Variants in BTNL9 observed in about 807,000 individuals in gnomAD.
BTNL9 encodes butyrophilin-like protein 9.
BTNL9 carries 45 observed loss-of-function variants against 45.8 expected under a neutral mutation model. The ratio of observed to expected loss-of-function variants is 0.98; its 90% CI spans 0.77 to 1.26. The LOEUF is 1.26. Among genes scored for constraint, BTNL9 ranks in the 50% most tolerant of loss-of-function variants. The probability of loss-of-function intolerance (pLI) is 0.00; values close to 1 mark genes in which losing one functional copy is unlikely to be tolerated. For missense variants in BTNL9, 784 were observed against 729.7 expected (o/e 1.07, Z -0.86); for synonymous variants, 346 against 330.8 (o/e 1.05, Z -0.50).
At position 181,050,180 on chromosome 5, in the gene BTNL9, A is replaced by T; in HGVS notation, c.547A>T (p.Lys183Ter). 2 of 1,614,022 alleles carry T rather than the reference A, an allele frequency of 1.2e-6. No homozygotes were observed. Among genetic ancestry groups the T allele is most frequent in the Non-Finnish European group, 1.7e-6 (2 of 1,180,022 alleles). Residue 183 changes from lysine to a stop codon, truncating the protein, a stop_gained, in exon 4 of 11, where the codon AAG becomes TAG. Coordinates refer to ENST00000327705, the MANE Select transcript of BTNL9 (RefSeq NM_152547.5). LOFTEE classifies it high-confidence loss of function. This position sits in a 1 kb window ranked among gnomAD's most constrained non-coding sequence, Gnocchi z 4.9. Reference protein sequence around the residue: ...LRSSGWYPKPKVQWRDHQGQC... With the variant: ...LRSSGWYPKP Reference sequence around the variant, plus strand: ...ATCCAGTGGCTGGTACCCCAAGCCTAAGGTTCAGTGGAGAGACCACCAGGG... The same window carrying T: ...ATCCAGTGGCTGGTACCCCAAGCCTTAGGTTCAGTGGAGAGACCACCAGGG...
chr5:181,045,178 C>G (rs1241445311), intron 1 of BTNL9, among the ~76,000 whole-genome samples: 1 of 152,202 alleles, frequency 6.6e-6, no homozygotes, highest in Non-Finnish European at 1.5e-5. Flanking sequence ...ATTCCTGGCT[C>G]TAAACAATAA....
Position 181,053,114 on chromosome 5 carries a change from T to C in BTNL9, c.737-86T>C. 8.3e-7 allele frequency: 1 copy of C among 1,209,420 alleles called. No homozygotes were observed. Among genetic ancestry groups the C allele is most frequent in the Non-Finnish European group, 1.1e-6 (1 of 876,144 alleles). 74.9% of individuals were successfully genotyped at this position (1,209,420 alleles called of 1,614,324 possible). A position where few individuals can be genotyped will look rare whatever the true frequency, so the allele number is the denominator to read the frequency against. ...GCCCGGAGAAGGTCCCGCGGGAGGT[T>C]TCCCGGCACGCGGCGGGCAGGCCGG... On this transcript the variant is annotated intron_variant, in intron 4 of 10. Coordinates refer to ENST00000327705, the MANE Select transcript of BTNL9 (RefSeq NM_152547.5). This position sits in a 1 kb window ranked among gnomAD's most constrained non-coding sequence, Gnocchi z 6.5.
At chr5:181,054,507 C>A (rs1006734500) in intron 7 of BTNL9, 8 of 985,360 alleles carry the variant, frequency 8.1e-6, no homozygotes, top group African/African-American at 1.7e-5. Flanking sequence ...AGTTAAAATT[C>A]ATCATAAAAC....
rs74668793 is a variant in BTNL9, at chr5:181,045,405, G to A, written c.-23-62G>A. On this transcript the variant is annotated intron_variant, in intron 1 of 10. Coordinates refer to ENST00000327705, the MANE Select transcript of BTNL9 (RefSeq NM_152547.5). ...GCCACAACAGACTTCAGGTCTGATGGAGTGAGTTCCAGCTCCCCCTACCTT... is the reference window on the plus strand; with the variant it reads ...GCCACAACAGACTTCAGGTCTGATGAAGTGAGTTCCAGCTCCCCCTACCTT... The A allele has an allele frequency of 3.7e-3, 3,118 of 853,668 alleles. 70 individuals carry two copies. In the African/African-American group the frequency reaches 0.046, roughly 13 times the overall value. 52.9% of individuals were successfully genotyped at this position (853,668 alleles called of 1,614,324 possible).
At chr5:181,051,103 AC>A (rs1324699224) in intron 4 of BTNL9, among the ~76,000 whole-genome samples, 106 of 141,716 alleles carry the variant, frequency 7.5e-4, no homozygotes, top group African/African-American at 2.7e-3. Context: ...AAAAAAAAAA[AC>A]AAGAAGAAGG....
In BTNL9 at chr5:181,053,815, A is replaced by G; in HGVS notation, c.886+314A>G. The G allele has an allele frequency of 6.6e-7, 1 of 1,518,754 alleles. No homozygotes were observed. The highest frequency in any genetic ancestry group is 1.4e-5 in the African/African-American group (1 of 72,780). 94.1% of individuals were successfully genotyped at this position (1,518,754 alleles called of 1,614,324 possible). A position where few individuals can be genotyped will look rare whatever the true frequency, so the allele number is the denominator to read the frequency against. ...AGCGGTGACCAGGGTCTCTGCTGCC[A>G]GCGCCACCTCGTCCAGGTTTTCATA... On this transcript the variant is annotated intron_variant, in intron 6 of 10. Coordinates refer to ENST00000327705, the MANE Select transcript of BTNL9 (RefSeq NM_152547.5). The surrounding 1 kb of genome is among the most constrained non-coding windows in gnomAD (Gnocchi z 6.5).
Position 181,053,518 on chromosome 5 carries a change from C to T in BTNL9, c.886+17C>T. 1.3e-6 allele frequency: 2 copies of T among 1,571,330 alleles called. No homozygotes were observed. Among genetic ancestry groups the T allele is most frequent in the Non-Finnish European group, 1.7e-6 (2 of 1,158,122 alleles). ...AGAGACAAGGTGAGCGGGGACAGGG[C>T]GTTCTGCACGCACCTGCCCAAGTGC... On this transcript the variant is annotated intron_variant, in intron 6 of 10. Transcript: ENST00000327705. This position sits in a 1 kb window ranked among gnomAD's most constrained non-coding sequence, Gnocchi z 6.5.
At chr5:181,044,701 T>C (rs1760993967) in intron 1 of BTNL9, among the ~76,000 whole-genome samples, 1 of 152,100 alleles carries the variant, frequency 6.6e-6, no homozygotes, top group Admixed American at 6.5e-5. Flanking sequence ...CCGTGAGTCA[T>C]TAGTGGGTCC....
At chr5:181,047,577 G>GAAT in intron 2 of BTNL9, 1 of 894,882 alleles carries the variant, frequency 1.1e-6, no homozygotes, top group Non-Finnish European at 1.4e-6. Flanking sequence ...ATATTCTACA[G>GAAT]ATTATTTTGA....
At chr5:181,054,569 A>G (rs964785660) in intron 7 of BTNL9, 20 of 985,310 alleles carry the variant, frequency 2.0e-5, no homozygotes, top group Middle Eastern at 5.2e-4. Flanking sequence ...TTTTAATGCA[A>G]ATGGCACTAG....
At chr5:181,045,040 G>A (rs141240114) in intron 1 of BTNL9, among the ~76,000 whole-genome samples, 349 of 152,346 alleles carry the variant, frequency 2.3e-3, no homozygotes, top group African/African-American at 8.1e-3. Flanking sequence ...GACGAAGGTT[G>A]GGTTGGTGGT....
chr5:181,046,710 G>GGAGAGA (rs148346380), intron 2 of BTNL9, among the ~76,000 whole-genome samples: 5 of 145,942 alleles, frequency 3.4e-5, no homozygotes, highest in Admixed American at 6.7e-5. Context: ...AGAGAGAGAG[G>GGAGAGA]GAGAGAGAGA....
intron 1 of BTNL9, among the ~76,000 whole-genome samples, chr5:181,044,173 C>T (rs915590001): frequency 1.3e-5 from 2 of 152,194 alleles, no homozygotes; most frequent in African/African-American, 2.4e-5. Flanking sequence ...GGAGCCTCTA[C>T]CACCTCATTA....
In BTNL9 at chr5:181,059,535, C is replaced by A; in HGVS notation, c.1281C>A (p.Gly427=). Residue 427 remains glycine (G), a synonymous_variant, in exon 11 of 11, where the codon GGC becomes GGA. Transcript: ENST00000327705. ...AGYWVLGLWN[G]CEYFVLAPHR... Reference sequence around the variant, plus strand: ...ACTGGGTGCTGGGGCTGTGGAACGGCTGCGAGTACTTCGTCCTGGCCCCGC... The same window carrying A: ...ACTGGGTGCTGGGGCTGTGGAACGGATGCGAGTACTTCGTCCTGGCCCCGC... The A allele has an allele frequency of 6.2e-7, 1 of 1,608,018 alleles. No homozygotes were observed. The highest frequency in any genetic ancestry group is 8.5e-7 in the Non-Finnish European group (1 of 1,178,910).
Position 181,041,519 on chromosome 5 carries a change from G to A in BTNL9, c.-24+1087G>A, listed in dbSNP as rs144711087. ...CTCCATTCTTGCTTTGCTGAAAGTTGGAGAAAAGGACATGTGTAGAGAAAA... is the reference window on the plus strand; with the variant it reads ...CTCCATTCTTGCTTTGCTGAAAGTTAGAGAAAAGGACATGTGTAGAGAAAA... On this transcript the variant is annotated intron_variant, in intron 1 of 10. Transcript: ENST00000327705. Among the ~76,000 whole-genome samples, 107 of 152,328 alleles carry A rather than the reference G, an allele frequency of 7.0e-4. No individual in the cohort carries two copies. In the East Asian group the frequency reaches 0.016, roughly 23 times the overall value.
chr5:181,059,496 C>T lies in BTNL9; in HGVS notation c.1242C>T (p.Ser414=). ...AVPRAGPARL[S]PAAGYWVLGL... is the part of the protein sequence containing the mutation. ...CGCGCGCGGGGCCTGCGCGCCTGAG[C>T]CCTGCGGCCGGCTACTGGGTGCTGG... Residue 414 remains serine, a synonymous_variant, in exon 11 of 11, where the codon AGC becomes AGT. Coordinates refer to ENST00000327705, the MANE Select transcript of BTNL9 (RefSeq NM_152547.5). The T allele has an allele frequency of 1.9e-6, 3 of 1,563,280 alleles. No homozygotes were observed. Among genetic ancestry groups the T allele is most frequent in the Non-Finnish European group, 2.6e-6 (3 of 1,157,886 alleles).
intron 1 of BTNL9, among the ~76,000 whole-genome samples, chr5:181,043,060 T>C (rs1419047042): frequency 6.6e-6 from 1 of 152,164 alleles, no homozygotes. Context: ...TGGGCCTCCG[T>C]TTCCTTATCT....
intron 1 of BTNL9, among the ~76,000 whole-genome samples, chr5:181,041,216 G>A (rs1760760256): frequency 6.6e-6 from 1 of 152,228 alleles, no homozygotes; most frequent in African/African-American, 2.4e-5. Flanking sequence ...GATCGCTCAG[G>A]ACGCCAACAG....
Position 181,045,549 on chromosome 5 carries a change from T to C in BTNL9, c.60T>C (p.Leu20=). The C allele has an allele frequency of 6.2e-7, 1 of 1,612,808 alleles. No individual in the cohort carries two copies. The highest frequency in any genetic ancestry group is 8.5e-7 in the Non-Finnish European group (1 of 1,179,388). Residue 20 remains leucine (L), a synonymous_variant, in exon 2 of 11, where the codon CTT becomes CTC. Coordinates refer to ENST00000327705, the MANE Select transcript of BTNL9 (RefSeq NM_152547.5). The part of the protein sequence containing the change: ...SLKPVSLTSS[L]VFLMHLLLLQ... The stretch of plus-strand genomic sequence containing the variant: ...AGCCAGTATCGCTGACCAGCAGTCT[T>C]GTCTTCCTCATGCACCTCCTCCTCC...
Sources: gnomAD v4.1 joint callset for allele counts (sites outside exome capture counted in the v4.1 genomes callset) on GRCh38, gnomAD v4.1.1 for gene constraint, Gnocchi (gnomAD v3.1) non-coding constraint, MANE v1.5 for transcripts, NCBI Gene and HGNC (gene_info 2026-07-23, HGNC 2026-07-21) for gene names.